Variants in RAP1GAP observed in about 807,000 individuals in gnomAD.
RAP1GAP encodes the protein RAP1 GTPase activating protein, also known as rap1 GTPase-activating protein 1.
Under a neutral mutation model 87.2 loss-of-function variants are expected in RAP1GAP, and 35 were observed. The ratio of observed to expected loss-of-function variants is 0.40; its 90% CI spans 0.31 to 0.53. RAP1GAP has a LOEUF of 0.53. RAP1GAP is among the 20% of genes least tolerant of loss of function. The probability of loss-of-function intolerance (pLI) is 0.48; values close to 1 mark genes in which losing one functional copy is unlikely to be tolerated. For missense variants in RAP1GAP, 734 were observed against 898.9 expected, an observed-to-expected ratio of 0.82 and a Z score of 2.35; for synonymous variants, 375 against 363.9, an observed-to-expected ratio of 1.03 and a Z score of -0.35.
intron 10 of RAP1GAP, among the ~76,000 whole-genome samples, chr1:21,612,461 C>A (rs552227564): frequency 9.2e-5 from 14 of 152,284 alleles, no homozygotes; most frequent in African/African-American, 3.4e-4. Context: ...CACTCCTCGG[C>A]TCCTCTGTAA....
Position 21,601,810 on chromosome 1 carries a change from C to CG in RAP1GAP, c.1539-14dup. 1 of 1,549,042 alleles carries CG rather than the reference C, an allele frequency of 6.5e-7. No homozygotes were observed. Among genetic ancestry groups the CG allele is most frequent in the Non-Finnish European group, 8.8e-7 (1 of 1,137,370 alleles). ...CGGAGGGCTCTCCCTGCGGGGCACACGGGGGCAGCGGGGGGATTCAGCACC... is the reference window on the plus strand; with the variant it reads ...CGGAGGGCTCTCCCTGCGGGGCACACGGGGGGCAGCGGGGGGATTCAGCACC... On this transcript the variant is annotated splice_polypyrimidine_tract_variant and intron_variant, in intron 19 of 24. Transcript: ENST00000374765.
chr1:21,610,067 A>T, intron 14 of RAP1GAP, 53 bp downstream of exon 14: 2 of 1,590,590 alleles, frequency 1.3e-6, no homozygotes, highest in Non-Finnish European at 1.7e-6. Context: ...GGGAGGGCAG[A>T]GCTGCAGCCA....
At position 21,613,962 on chromosome 1, in the gene RAP1GAP, T is replaced by C. The variant is rs201826010; in HGVS notation, c.395+24A>G. 17 of 1,537,444 alleles carry C rather than the reference T, an allele frequency of 1.1e-5. No homozygotes were observed. In the East Asian group the frequency reaches 3.9e-4, roughly 35 times the overall value. Reference sequence around the variant, plus strand: ...TAAGACCTCAGCCCTTCCTGCCATCTCAGGACTCCCCCACCACCCTCACCT... The same window carrying C: ...TAAGACCTCAGCCCTTCCTGCCATCCCAGGACTCCCCCACCACCCTCACCT... On this transcript the variant is annotated intron_variant, in intron 8 of 24. Coordinates refer to ENST00000374765, the MANE Select transcript of RAP1GAP (RefSeq NM_002885.4). This position sits in a 1 kb window ranked among gnomAD's most constrained non-coding sequence, Gnocchi z 4.7.
Position 21,608,951 on chromosome 1 carries a change from T to C in RAP1GAP, c.1072-15A>G, listed in dbSNP as rs757557536. ...AACTCAGGCCCCTGGAAACTCCCAG[T>C]GTGGAGGAGATAAGGAAGGGAAGTT... On this transcript the variant is annotated splice_polypyrimidine_tract_variant and intron_variant, in intron 15 of 24. Transcript: ENST00000374765. 2 of 1,599,024 alleles carry C rather than the reference T, an allele frequency of 1.3e-6. No homozygotes were observed. The highest frequency in any genetic ancestry group is 1.7e-6 in the Non-Finnish European group (2 of 1,166,316).
chr1:21,626,275 G>GGGCC, intron 3 of RAP1GAP, 29 bp downstream of exon 3: 1 of 1,548,926 alleles, frequency 6.5e-7, no homozygotes, highest in Non-Finnish European at 8.9e-7. Context: ...GGCAGACCAG[G>GGGCC]GGCCGTAGGT....
rs766204015 is a variant in RAP1GAP, at chr1:21,626,388, A to G, written c.-103T>C. On this transcript the variant is annotated 5_prime_UTR_variant, in exon 3 of 25. An upstream start codon of the reference 5' UTR is lost. Coordinates refer to ENST00000374765, the MANE Select transcript of RAP1GAP (RefSeq NM_002885.4). ...CCTGAGGGAAGTGCTGGTTCTGCCC[A>G]TCGCTCCTCCTGGAAGAGAAAGAGT... 3.1e-6 allele frequency: 5 copies of G among 1,612,520 alleles called. No individual in the cohort carries two copies. In the South Asian group the frequency reaches 3.3e-5, roughly 11 times the overall value.
At chr1:21,667,010 C>T (rs184615892) in intron 1 of RAP1GAP, among the ~76,000 whole-genome samples, 2 of 152,038 alleles carry the variant, frequency 1.3e-5, no homozygotes, top group Non-Finnish European at 2.9e-5. Flanking sequence ...TGGGTGTGCC[C>T]GTGTGTTCCT....
At chr1:21,620,132 TC>T in intron 3 of RAP1GAP, 82 bp from the exon 4 acceptor site, 1 of 1,468,740 alleles carries the variant, frequency 6.8e-7, no homozygotes, top group Non-Finnish European at 9.5e-7. Flanking sequence ...GCCCTCCGGG[TC>T]CCACCAGCTC....
chr1:21,624,857 TC>T, intron 3 of RAP1GAP, among the ~76,000 whole-genome samples: 2 of 143,382 alleles, frequency 1.4e-5, no homozygotes, highest in Admixed American at 7.0e-5. Context: ...TCTCTCTCTC[TC>T]GTCTCCTGAT....
At chr1:21,639,677 CG>C (rs1472653628) in intron 2 of RAP1GAP, among the ~76,000 whole-genome samples, 4 of 152,126 alleles carry the variant, frequency 2.6e-5, no homozygotes, top group Admixed American at 6.5e-5. Flanking sequence ...TGGGGGCAGG[CG>C]GGGGGCACAG....
intron 2 of RAP1GAP, among the ~76,000 whole-genome samples, chr1:21,649,540 A>G (rs2096386774): frequency 6.6e-6 from 1 of 152,320 alleles, no homozygotes; most frequent in South Asian, 2.1e-4. Context: ...TCACACAGGC[A>G]GTGGCAGAGT....
intron 1 of RAP1GAP, among the ~76,000 whole-genome samples, chr1:21,664,616 T>C (rs1256680072): frequency 6.6e-6 from 1 of 152,184 alleles, no homozygotes; most frequent in African/African-American, 2.4e-5. Context: ...ACACCTAATA[T>C]GTGCCAGGCA....
At chr1:21,643,265 AAAT>A (rs1369487366) in intron 2 of RAP1GAP, among the ~76,000 whole-genome samples, 1 of 152,184 alleles carries the variant, frequency 6.6e-6, no homozygotes, top group African/African-American at 2.4e-5. Context: ...GGCTATCAGA[AAAT>A]CCCCTCCGAG....
intron 11 of RAP1GAP, 66 bp from the exon 12 acceptor site, chr1:21,611,882 T>G (rs2275364): frequency 0.35 from 536,552 of 1,533,274 alleles, 96,464 homozygotes; most frequent in Non-Finnish European, 0.37. Flanking sequence ...CTGTCCCTAC[T>G]TGGACCCAGA....
At chr1:21,648,627 G>C (rs146974341) in intron 2 of RAP1GAP, among the ~76,000 whole-genome samples, 2 of 152,182 alleles carry the variant, frequency 1.3e-5, no homozygotes, top group African/African-American at 2.4e-5. Context: ...TGTCAGTGGT[G>C]TTATTACTGA....
intron 14 of RAP1GAP, 91 bp downstream of exon 14, chr1:21,610,029 A>G (rs2077238361): frequency 6.9e-7 from 1 of 1,451,418 alleles, no homozygotes; most frequent in East Asian, 2.4e-5. Flanking sequence ...TTATAGCTGG[A>G]AAAAGTGAGG....
At chr1:21,660,385 G>A (rs1245225306) in intron 1 of RAP1GAP, among the ~76,000 whole-genome samples, 1 of 92,064 alleles carries the variant, frequency 1.1e-5, no homozygotes, top group Non-Finnish European at 2.3e-5. Flanking sequence ...CCAGGCTGGA[G>A]TGCAATGGCA....
Position 21,603,933 on chromosome 1 carries a change from G to C in RAP1GAP, c.1429-1020C>G. On this transcript the variant is annotated intron_variant, in intron 18 of 24. Coordinates refer to ENST00000374765, the MANE Select transcript of RAP1GAP (RefSeq NM_002885.4). This position sits in a 1 kb window ranked among gnomAD's most constrained non-coding sequence, Gnocchi z 6.0. ...AATGACTGGCAAGCAGCAGAGGGCG[G>C]GGGCAGAGAGAGAGAGACAGAGAGA... 1 of 1,499,872 alleles carries C rather than the reference G, an allele frequency of 6.7e-7. No homozygotes were observed. Among genetic ancestry groups the C allele is most frequent in the South Asian group, 1.3e-5 (1 of 77,724 alleles). 92.9% of individuals were successfully genotyped at this position (1,499,872 alleles called of 1,614,324 possible).
intron 3 of RAP1GAP, among the ~76,000 whole-genome samples, chr1:21,620,818 T>C (rs911052998): frequency 5.9e-5 from 9 of 152,022 alleles, no homozygotes; most frequent in African/African-American, 1.9e-4. Flanking sequence ...TGCTGACACA[T>C]GTGCTATGGA....
Sources: allele counts gnomAD v4.1 joint callset (sites outside exome capture counted in the v4.1 genomes callset), GRCh38; gene constraint gnomAD v4.1.1; non-coding constraint Gnocchi (gnomAD v3.1); transcripts MANE v1.5; gene names NCBI Gene and HGNC (gene_info 2026-07-23, HGNC 2026-07-21).